Variants in PKN2 observed in about 807,000 individuals in gnomAD.
The protein encoded by PKN2 is protein kinase N2, also known as serine/threonine-protein kinase N2.
In PKN2, 38 loss-of-function variants were observed where a neutral mutation model predicts 119.1. The observed-to-expected ratio is 0.32, with a 90% CI of 0.25 to 0.42. The LOEUF (loss-of-function observed/expected upper bound fraction) is 0.42, where lower values mean the gene tolerates loss of function less well. Ranked by LOEUF, PKN2 falls within the 10% of genes least tolerant of loss-of-function variation. The pLI is 1.00. For missense variants in PKN2, 850 were observed against 1,165.1 expected, an observed-to-expected ratio of 0.73 and a Z score of 3.94; for synonymous variants, 390 against 384.9, an observed-to-expected ratio of 1.01 and a Z score of -0.15.
intron 4 of PKN2, among the ~76,000 whole-genome samples, chr1:88,771,152 G>C (rs1192501165): frequency 6.6e-6 from 1 of 151,996 alleles, no homozygotes; most frequent in African/African-American, 2.4e-5. Flanking sequence ...AAGAGTAGGA[G>C]TAGAAACTTT....
Position 88,740,998 on chromosome 1 carries a change from G to T in PKN2, c.59G>T (p.Arg20Leu). The T allele has an allele frequency of 6.4e-7, 1 of 1,563,178 alleles. No homozygotes were observed. Among genetic ancestry groups the T allele is most frequent in the Non-Finnish European group, 8.6e-7 (1 of 1,161,088 alleles). The change falls in exon 2 of 22, where the codon CGA becomes CTA. Residue 20 changes from arginine to leucine, a missense_variant. By Grantham distance (102) the Arg-to-Leu change is moderately radical. This residue lies in a region of PKN2 where 73 missense variants were observed against 61.2 expected (regional missense o/e 1.19). Transcript: ENST00000370521. Reference sequence around the variant, plus strand: ...TTATTTTTTCTGTAGGGGGATTCCCGAAGTCTTCCGTTTTCTGAGAATGTG... The same window carrying T: ...TTATTTTTTCTGTAGGGGGATTCCCTAAGTCTTCCGTTTTCTGAGAATGTG... ...ILLTELQGDSRSLPFSENVSA... is the reference protein window; with the variant it reads ...ILLTELQGDSLSLPFSENVSA...
chr1:88,789,670 T>TAAC (rs1670731549), intron 8 of PKN2, among the ~76,000 whole-genome samples: 1 of 150,336 alleles, frequency 6.7e-6, no homozygotes, highest in Admixed American at 6.6e-5. Flanking sequence ...CTCATAATAA[T>TAAC]AATAATAATA....
chr1:88,824,637 A>G (rs1557637906), intron 18 of PKN2, among the ~76,000 whole-genome samples: 1 of 152,236 alleles, frequency 6.6e-6, no homozygotes, highest in Non-Finnish European at 1.5e-5. Flanking sequence ...TAATTTTGTC[A>G]CTACTTTAAG....
intron 3 of PKN2, 125 bp downstream of exon 3, chr1:88,760,501 T>C: frequency 1.8e-6 from 1 of 544,684 alleles, no homozygotes; most frequent in Admixed American, 3.4e-5. Flanking sequence ...CATGGCACTT[T>C]GGCAGTCATT....
intron 2 of PKN2, among the ~76,000 whole-genome samples, chr1:88,756,317 A>G (rs1052924720): frequency 2.0e-5 from 3 of 152,176 alleles, no homozygotes; most frequent in Admixed American, 1.3e-4. Flanking sequence ...TTGCATTTTA[A>G]GACAAGCCAT....
At chr1:88,758,373 C>CTT (rs36111457) in intron 2 of PKN2, among the ~76,000 whole-genome samples, 68 of 150,780 alleles carry the variant, frequency 4.5e-4, no homozygotes, top group East Asian at 2.5e-3. Flanking sequence ...ACATATTATG[C>CTT]TTTTTTTTTA....
At chr1:88,685,082 C>A in intron 1 of PKN2, 1 of 157,092 alleles carries the variant, frequency 6.4e-6, no homozygotes, top group Non-Finnish European at 1.4e-5. Flanking sequence ...TCTTGTCCCT[C>A]CCCCTCCCCT....
intron 21 of PKN2, 38 bp from the exon 22 acceptor site, chr1:88,833,207 A>C: frequency 6.2e-7 from 1 of 1,608,488 alleles, no homozygotes; most frequent in South Asian, 1.1e-5. Flanking sequence ...GATTAGATTT[A>C]ACAAACTAAA....
At chr1:88,739,328 A>G (rs1668484557) in intron 1 of PKN2, among the ~76,000 whole-genome samples, 1 of 151,928 alleles carries the variant, frequency 6.6e-6, no homozygotes, top group Non-Finnish European at 1.5e-5. Flanking sequence ...AAAGAGATTT[A>G]TAGAAATCAA....
At chr1:88,824,287 C>A in intron 17 of PKN2, 23 bp from the exon 18 acceptor site, 7 of 1,234,384 alleles carry the variant, frequency 5.7e-6, no homozygotes, top group Non-Finnish European at 8.1e-6. Context: ...TTTTTTCATG[C>A]TGTATCTTTT....
intron 2 of PKN2, among the ~76,000 whole-genome samples, chr1:88,741,741 GAATT>G (rs1353070197): frequency 1.3e-5 from 2 of 151,802 alleles, no homozygotes; most frequent in African/African-American, 4.8e-5. Context: ...CTAAGCAACT[GAATT>G]AACAAGTAAA....
At chr1:88,803,777 A>G (rs1671427092) in intron 8 of PKN2, among the ~76,000 whole-genome samples, 1 of 152,218 alleles carries the variant, frequency 6.6e-6, no homozygotes, top group Non-Finnish European at 1.5e-5. Flanking sequence ...ATAAATGAAT[A>G]TCTTTCTGTA....
At chr1:88,785,290 G>A (rs1201036937) in intron 7 of PKN2, among the ~76,000 whole-genome samples, 1 of 152,028 alleles carries the variant, frequency 6.6e-6, no homozygotes, top group Non-Finnish European at 1.5e-5. Context: ...CACCATGCCT[G>A]GCTAATTTTT....
intron 18 of PKN2, among the ~76,000 whole-genome samples, chr1:88,826,743 G>T (rs1426005865): frequency 6.6e-6 from 1 of 151,968 alleles, no homozygotes; most frequent in East Asian, 1.9e-4. Context: ...CTTAAACCAG[G>T]TATTTATTAA....
At chr1:88,801,457 T>C (rs904517744) in intron 8 of PKN2, among the ~76,000 whole-genome samples, 2 of 152,200 alleles carry the variant, frequency 1.3e-5, no homozygotes, top group African/African-American at 4.8e-5. Context: ...CTTCAGTCTA[T>C]CTGTATGGTA....
chr1:88,804,972 C>A, intron 10 of PKN2, 51 bp downstream of exon 10: 1 of 864,828 alleles, frequency 1.2e-6, no homozygotes, highest in South Asian at 1.5e-5. Flanking sequence ...CTTAAACAAT[C>A]TAATTACCAT....
intron 19 of PKN2, among the ~76,000 whole-genome samples, chr1:88,830,996 A>G (rs1220877024): frequency 1.3e-5 from 2 of 152,060 alleles, no homozygotes; most frequent in African/African-American, 4.8e-5. Flanking sequence ...TATATTATAC[A>G]TGTTCAGATT....
chr1:88,696,181 A>G (rs1047586065), intron 1 of PKN2, among the ~76,000 whole-genome samples: 2 of 152,154 alleles, frequency 1.3e-5, no homozygotes, highest in South Asian at 2.1e-4. Flanking sequence ...TGTTCCACCT[A>G]TTTGTAGCCT....
intron 3 of PKN2, among the ~76,000 whole-genome samples, chr1:88,764,817 T>G (rs1669592812): frequency 6.6e-6 from 1 of 152,212 alleles, no homozygotes; most frequent in Non-Finnish European, 1.5e-5. Flanking sequence ...TTAAGCAGCA[T>G]CATTGGTTGT....
Sources: allele counts gnomAD v4.1 joint callset (sites outside exome capture counted in the v4.1 genomes callset), GRCh38; gene constraint gnomAD v4.1.1; regional missense constraint gnomAD v4.1.1; transcripts MANE v1.5; gene names NCBI Gene and HGNC (gene_info 2026-07-23, HGNC 2026-07-21).